Variants in NLGN3 observed in about 807,000 individuals in gnomAD.
The protein encoded by NLGN3 is neuroligin 3.
In NLGN3, 11 loss-of-function variants were observed where a neutral mutation model predicts 42.9. The observed-to-expected ratio is 0.26, with a 90% CI of 0.16 to 0.42. The LOEUF is 0.42. Among genes scored for constraint, NLGN3 ranks in the 10% least tolerant of loss-of-function variants. The probability of loss-of-function intolerance (pLI) is 1.00; values close to 1 mark genes in which losing one functional copy is unlikely to be tolerated. For missense variants in NLGN3, 374 were observed against 733.8 expected (o/e 0.51, Z 5.67); for synonymous variants, 279 against 312.7 (o/e 0.89, Z 1.14).
At chrX:71,158,415 G>A (rs944774762) in intron 5 of NLGN3, among the ~76,000 whole-genome samples, 12 of 112,126 alleles carry the variant, frequency 1.1e-4, no homozygotes, top group African/African-American at 3.6e-4. Context: ...AGGAATGAAC[G>A]CGCAAATGTG....
At position 71,170,788 on chromosome X, in the gene NLGN3, T is replaced by C. The variant is rs1410586012; in HGVS notation, c.*691T>C. The stretch of plus-strand genomic sequence containing the variant: ...GCTAGCACTGGATGGAGCTGGAGGG[T>C]CGTAGGGGAGAGATCTCCAACTCTC... On this transcript the variant is annotated 3_prime_UTR_variant, in exon 8 of 8. Coordinates refer to ENST00000358741, the MANE Select transcript of NLGN3 (RefSeq NM_181303.2). The C allele has an allele frequency of 1.3e-6, 1 of 753,688 alleles. No individual in the cohort carries two copies. Among genetic ancestry groups the C allele is most frequent in the Non-Finnish European group, 1.6e-6 (1 of 639,960 alleles). 62.1% of individuals were successfully genotyped at this position (753,688 alleles called of 1,213,427 possible). A position where few individuals can be genotyped will look rare whatever the true frequency, so the allele number is the denominator to read the frequency against.
chrX:71,169,144 T>C (rs908496173), intron 7 of NLGN3, 110 bp from the exon 8 acceptor site: 1 of 912,069 alleles, frequency 1.1e-6, no homozygotes, highest in Non-Finnish European at 1.6e-6. Context: ...AAGATGGAAA[T>C]GGTGGGAAGT....
At chrX:71,152,492 C>T (rs993419452) in intron 3 of NLGN3, among the ~76,000 whole-genome samples, 2 of 110,588 alleles carry the variant, frequency 1.8e-5, no homozygotes, top group Non-Finnish European at 1.9e-5. Flanking sequence ...GGGTGTGAAT[C>T]GCACCTCTAG....
chrX:71,146,502 A>G (rs1395176097), intron 1 of NLGN3, among the ~76,000 whole-genome samples: 2 of 110,699 alleles, frequency 1.8e-5, no homozygotes, highest in Non-Finnish European at 3.8e-5. Flanking sequence ...GTCTCCACCT[A>G]TGTGTCACCA....
At chrX:71,157,889 G>A (rs1040690387) in intron 5 of NLGN3, among the ~76,000 whole-genome samples, 1 of 108,847 alleles carries the variant, frequency 9.2e-6, no homozygotes, top group Non-Finnish European at 1.9e-5. Context: ...GCCTCCCCAC[G>A]GTCTGGTAGG....
At chrX:71,148,455 T>C (rs1431078126) in intron 2 of NLGN3, among the ~76,000 whole-genome samples, 1 of 110,154 alleles carries the variant, frequency 9.1e-6, no homozygotes, top group Non-Finnish European at 1.9e-5. Flanking sequence ...CTGACGGGTC[T>C]CGGTCCAGTG....
chrX:71,160,702 C>T (rs779779755), intron 5 of NLGN3, among the ~76,000 whole-genome samples: 34 of 112,558 alleles, frequency 3.0e-4, no homozygotes, highest in Middle Eastern at 4.6e-3. Flanking sequence ...GCTGAGGAAG[C>T]AGGCACTTGC....
chrX:71,164,212 G>A lies in NLGN3; in HGVS notation c.797G>A (p.Arg266His), dbSNP rs182899170. The A allele has an allele frequency of 1.3e-5, 16 of 1,211,597 alleles. No individual in the cohort carries two copies. In the East Asian group the frequency reaches 1.8e-4, roughly 13 times the overall value. The stretch of plus-strand genomic sequence containing the variant: ...CTCCTTGACCAGATCCAGGCCCTCC[G>A]CTGGGTGAGCGAGAATATTGCCTTC... ...YGLLDQIQAL[R>H]WVSENIAFFG... The change falls in exon 6 of 8, where the codon CGC becomes CAC. Residue 266 changes from arginine (R) to histidine (H), a missense_variant. Physicochemically the swap from Arg to His is conservative, Grantham distance 29. Coordinates refer to ENST00000358741, the MANE Select transcript of NLGN3 (RefSeq NM_181303.2).
chrX:71,150,573 G>A (rs2147868084), intron 3 of NLGN3, among the ~76,000 whole-genome samples: 1 of 109,441 alleles, frequency 9.1e-6, no homozygotes, highest in East Asian at 2.9e-4. Context: ...GTGGTGGCGG[G>A]TGCCTGTAGT....
At chrX:71,153,864 C>A in intron 4 of NLGN3, among the ~76,000 whole-genome samples, 1 of 111,945 alleles carries the variant, frequency 8.9e-6, no homozygotes, top group East Asian at 2.8e-4. Flanking sequence ...GAAAGCAGGA[C>A]CACTGAGGGC....
chrX:71,154,791 C>T (rs2092402764), intron 4 of NLGN3, among the ~76,000 whole-genome samples: 1 of 111,477 alleles, frequency 9.0e-6, no homozygotes, highest in East Asian at 2.8e-4. Context: ...CTGGTCTAGT[C>T]TTGGGGGTTT....
rs200899173 is a variant in NLGN3 at position 71,170,048 on chromosome X, G to C, written c.2498G>C (p.Gly833Ala). The C allele has an allele frequency of 8.3e-7, 1 of 1,209,971 alleles. No individual in the cohort carries two copies. The highest frequency in any genetic ancestry group is 3.0e-5 in the East Asian group (1 of 33,791). ...TLHPYNTFAA[G>A]FNSTGLPHSH... is the part of the protein sequence containing the mutation. Reference sequence around the variant, plus strand: ...CACCCCTATAACACCTTTGCCGCAGGGTTCAACAGTACCGGGCTGCCCCAC... The same window carrying C: ...CACCCCTATAACACCTTTGCCGCAGCGTTCAACAGTACCGGGCTGCCCCAC... Residue 833 changes from glycine (G) to alanine (A), a missense_variant, in exon 8 of 8, where the codon GGG becomes GCG. By Grantham distance (60) the Gly-to-Ala change is moderately conservative (BLOSUM62 0). This residue lies in a region of NLGN3 where 92 missense variants were observed against 108.0 expected (regional missense o/e 0.85). Transcript: ENST00000358741.
intron 5 of NLGN3, 106 bp from the exon 6 acceptor site, chrX:71,164,037 G>A (rs2092438852): frequency 1.0e-5 from 7 of 702,525 alleles, no homozygotes; most frequent in Admixed American, 2.6e-5. Context: ...ACTACACTGC[G>A]TGCTCATTCT....
In NLGN3 at chrX:71,170,023, C is replaced by T. The variant is rs1262990978; in HGVS notation, c.2473C>T (p.His825Tyr). ...CTCCCTGGTAGGGCTGCAGACATTG[C>T]ACCCCTATAACACCTTTGCCGCAGG... is the stretch of plus-strand genomic sequence containing the variant. ...PNSLVGLQTL[H>Y]PYNTFAAGFN... Residue 825 changes from histidine to tyrosine, a missense_variant, in exon 8 of 8, where the codon CAC (histidine) becomes TAC (tyrosine). Around this residue, in one of 6 missense-constraint regions of NLGN3, gnomAD observed 92 missense variants for 108.0 expected, o/e 0.85. Coordinates refer to ENST00000358741, the MANE Select transcript of NLGN3 (RefSeq NM_181303.2). 4.1e-6 allele frequency: 5 copies of T among 1,210,165 alleles called. No individual in the cohort carries two copies. Among genetic ancestry groups the T allele is most frequent in the Non-Finnish European group, 5.6e-6 (5 of 894,868 alleles).
At position 71,167,147 on chromosome X, in the gene NLGN3, C is replaced by G; in HGVS notation, c.1050C>G (p.Asp350Glu). 8.3e-7 allele frequency: 1 copy of G among 1,211,798 alleles called. No individual in the cohort carries two copies. Among genetic ancestry groups the G allele is most frequent in the Non-Finnish European group, 1.1e-6 (1 of 895,497 alleles). Residue 350 changes from aspartate (D) to glutamate (E), a missense_variant, in exon 7 of 8, where the codon GAC (aspartate) becomes GAG (glutamate). Asp to Glu is a conservative substitution (Grantham distance 45, BLOSUM62 2). Around this residue, in one of 6 missense-constraint regions of NLGN3, gnomAD observed 142 missense variants for 359.1 expected, o/e 0.40. Transcript: ENST00000358741. ...CNVLDTVDMVDCLRQKSAKEL... is the reference protein window; with the variant it reads ...CNVLDTVDMVECLRQKSAKEL... ...TGCTGGACACCGTGGATATGGTGGA[C>G]TGTCTTCGGCAAAAGAGTGCCAAGG...
rs1254894681 is a variant in NLGN3 at position 71,148,124 on chromosome X, C to T, written c.375C>T (p.Ala125=). The change falls in exon 2 of 8, where the codon GCC becomes GCT. Residue 125 remains alanine (A), a synonymous_variant. Coordinates refer to ENST00000358741, the MANE Select transcript of NLGN3 (RefSeq NM_181303.2). ...TCATGCTGCCGGTCTGGTTCACTGC[C>T]AACTTGGATATCGTCGCTACTTACA... ...PEVMLPVWFT[A]NLDIVATYIQ... is the part of the protein sequence containing the mutation. 8.3e-7 allele frequency: 1 copy of T among 1,211,109 alleles called. No homozygotes were observed. Among genetic ancestry groups the T allele is most frequent in the Non-Finnish European group, 1.1e-6 (1 of 895,118 alleles).
rs1556350933 is a variant in NLGN3, at chrX:71,167,680, C to G, written c.1583C>G (p.Pro528Arg). ...WSDAAHGDEV[P>R]YVFGVPMVGP... ...GATGCAGCTCATGGGGATGAAGTAC[C>G]CTATGTTTTTGGGGTTCCTATGGTA... Residue 528 changes from proline (P) to arginine (R), a missense_variant, in exon 7 of 8, where the codon CCC becomes CGC. This residue lies in a region of NLGN3 where 142 missense variants were observed against 359.1 expected (regional missense o/e 0.40). Transcript: ENST00000358741. The G allele has an allele frequency of 8.3e-7, 1 of 1,211,228 alleles. No homozygotes were observed. Among genetic ancestry groups the G allele is most frequent in the Non-Finnish European group, 1.1e-6 (1 of 895,361 alleles).
At chrX:71,156,862 T>C (rs979002002) in intron 5 of NLGN3, among the ~76,000 whole-genome samples, 2 of 111,819 alleles carry the variant, frequency 1.8e-5, no homozygotes, top group Admixed American at 1.9e-4. Flanking sequence ...CATTCTCTGC[T>C]GTGCACAAGC....
chrX:71,155,129 C>A, intron 4 of NLGN3, 85 bp from the exon 5 acceptor site: 1 of 1,103,208 alleles, frequency 9.1e-7, no homozygotes, highest in Non-Finnish European at 1.2e-6. Flanking sequence ...GATAGCTTTG[C>A]TGCCCGCACC....
Sources: allele counts gnomAD v4.1 joint callset (sites outside exome capture counted in the v4.1 genomes callset), GRCh38; gene constraint gnomAD v4.1.1; regional missense constraint gnomAD v4.1.1; transcripts MANE v1.5; gene names NCBI Gene and HGNC (gene_info 2026-07-23, HGNC 2026-07-21).